ITGA9: variants seen among roughly 807,000 people sequenced by gnomAD.
The protein encoded by ITGA9 is integrin subunit alpha 9, also known as integrin alpha-9.
A neutral mutation model predicts 127.8 loss-of-function variants in ITGA9; 56 were observed. That is an observed-to-expected ratio of 0.44 (90% CI 0.35 to 0.55). The LOEUF (loss-of-function observed/expected upper bound fraction) is 0.55. Ranked by LOEUF, ITGA9 falls within the 20% of genes least tolerant of loss-of-function variation. ITGA9 has a pLI of 0.00. For synonymous variants in ITGA9, 508 were observed against 514.5 expected (o/e 0.99, Z 0.17); for missense variants, 1,196 against 1,347.1 (o/e 0.89, Z 1.76).
intron 3 of ITGA9, among the ~76,000 whole-genome samples, chr3:37,476,160 A>G (rs940330598): frequency 1.3e-5 from 2 of 152,208 alleles, no homozygotes; most frequent in African/African-American, 4.8e-5. Flanking sequence ...ATGTGTACCA[A>G]TATCTCTTTG....
chr3:37,817,841 G>T (rs949102126), intron 27 of ITGA9, among the ~76,000 whole-genome samples: 1 of 152,154 alleles, frequency 6.6e-6, no homozygotes, highest in African/African-American at 2.4e-5. Context: ...TCAAAGGGCA[G>T]GGTCTTTTCA....
Position 37,480,368 on chromosome 3 carries a change from G to T in ITGA9, c.421-1116G>T, listed in dbSNP as rs114454764. Reference sequence around the variant, plus strand: ...TGCTGAGAGGCTCCTCTGGAGAGCTGGCCAATGCATCTGTCCATCTTCTTC... The same window carrying T: ...TGCTGAGAGGCTCCTCTGGAGAGCTTGCCAATGCATCTGTCCATCTTCTTC... On this transcript the variant is annotated intron_variant, in intron 3 of 27. Transcript: ENST00000264741. Among the ~76,000 whole-genome samples, 1,171 of 152,264 alleles carry T rather than the reference G, an allele frequency of 7.7e-3. 14 individuals carry two copies. The highest frequency in any genetic ancestry group is 0.026 in the African/African-American group (1,086 of 41,542).
At chr3:37,687,277 TATAGTC>T (rs1202148406) in intron 18 of ITGA9, among the ~76,000 whole-genome samples, 16 of 152,302 alleles carry the variant, frequency 1.1e-4, no homozygotes, top group African/African-American at 3.6e-4. Context: ...TAAAATATGT[TATAGTC>T]AGGAAAGAGC....
At chr3:37,771,626 G>A (rs553974049) in intron 23 of ITGA9, among the ~76,000 whole-genome samples, 6 of 152,216 alleles carry the variant, frequency 3.9e-5, no homozygotes, top group South Asian at 2.1e-4. Context: ...CGCTGAACTC[G>A]GGGACCTCTG....
At chr3:37,508,457 C>T in intron 7 of ITGA9, 102 bp from the exon 8 acceptor site, 2 of 890,286 alleles carry the variant, frequency 2.2e-6, no homozygotes, top group South Asian at 2.9e-5. Flanking sequence ...CTGCTGTGCA[C>T]CTGGCTCTTA....
At chr3:37,795,905 T>C (rs1419248933) in intron 26 of ITGA9, among the ~76,000 whole-genome samples, 1 of 152,240 alleles carries the variant, frequency 6.6e-6, no homozygotes, top group Non-Finnish European at 1.5e-5. Context: ...TGACCTAGAT[T>C]CATTTTGCAG....
chr3:37,669,415 G>A (rs766918932), intron 17 of ITGA9, among the ~76,000 whole-genome samples: 1 of 152,194 alleles, frequency 6.6e-6, no homozygotes, highest in Non-Finnish European at 1.5e-5. Context: ...GTCCACTCCT[G>A]CCCTGTCCCT....
intron 15 of ITGA9, among the ~76,000 whole-genome samples, chr3:37,550,037 A>G (rs1006366128): frequency 6.6e-6 from 1 of 152,228 alleles, no homozygotes; most frequent in Non-Finnish European, 1.5e-5. Flanking sequence ...GTGAGTCACT[A>G]CATGTGAGAT....
intron 5 of ITGA9, among the ~76,000 whole-genome samples, chr3:37,494,941 A>G (rs974672346): frequency 1.3e-5 from 2 of 152,124 alleles, no homozygotes; most frequent in Non-Finnish European, 2.9e-5. Context: ...GCGTGTGAGC[A>G]TCCCCTCCTA....
intron 18 of ITGA9, among the ~76,000 whole-genome samples, chr3:37,696,327 C>G (rs892473077): frequency 6.6e-6 from 1 of 152,148 alleles, no homozygotes; most frequent in African/African-American, 2.4e-5. Flanking sequence ...GAAGGACTGC[C>G]CAGTGAGTCT....
chr3:37,674,115 G>T (rs1282900832), intron 17 of ITGA9, among the ~76,000 whole-genome samples: 2 of 152,166 alleles, frequency 1.3e-5, no homozygotes, highest in Non-Finnish European at 2.9e-5. Context: ...AAATGTTGTG[G>T]TTTTGAGAAT....
intron 4 of ITGA9, among the ~76,000 whole-genome samples, chr3:37,488,026 G>C (rs1698628261): frequency 6.6e-6 from 1 of 152,212 alleles, no homozygotes; most frequent in South Asian, 2.1e-4. Flanking sequence ...TGGAGTGGCT[G>C]CTTACTGGGA....
In ITGA9 at chr3:37,518,299, G is replaced by A. The variant is rs540117766; in HGVS notation, c.1141+690G>A. Among the ~76,000 whole-genome samples, 5 of 152,336 alleles carry A rather than the reference G, an allele frequency of 3.3e-5. 1 individual carries two copies. Among genetic ancestry groups the A allele is most frequent in the African/African-American group, 1.2e-4 (5 of 41,580 alleles). On this transcript the variant is annotated intron_variant, in intron 10 of 27. Coordinates refer to ENST00000264741, the MANE Select transcript of ITGA9 (RefSeq NM_002207.3). ...GTCACCAGGGCATGTGGTGGTGGAG[G>A]TGGGGCAACCCTTGCCCAGGCCAGC...
At position 37,562,183 on chromosome 3, in the gene ITGA9, G is replaced by A. The variant is rs370159333; in HGVS notation, c.1689+19598G>A. On this transcript the variant is annotated intron_variant, in intron 15 of 27. Coordinates refer to ENST00000264741, the MANE Select transcript of ITGA9 (RefSeq NM_002207.3). ...TGCTGTGTCCGGCAGCCCATCCAGC[G>A]TTGGATGGCATCAGCAACCTGAAAG... Among the ~76,000 whole-genome samples the A allele has an allele frequency of 3.9e-5, 6 of 152,260 alleles. No homozygotes were observed. In the East Asian group the frequency reaches 7.7e-4, roughly 20 times the overall value.
At position 37,643,066 on chromosome 3, in the gene ITGA9, C is replaced by G. The variant is rs75371548; in HGVS notation, c.1840-10648C>G. Among the ~76,000 whole-genome samples the G allele has an allele frequency of 8.0e-3, 1,214 of 152,290 alleles. 5 individuals are homozygous for G. Among genetic ancestry groups the G allele is most frequent in the Middle Eastern group, 0.014 (4 of 294 alleles). ...GAAGAGGAGAGGGAGAAGAGTCACT[C>G]CAGACGTCAGAACCAGACAGGCTCC... is the stretch of plus-strand genomic sequence containing the variant. On this transcript the variant is annotated intron_variant, in intron 16 of 27. Coordinates refer to ENST00000264741, the MANE Select transcript of ITGA9 (RefSeq NM_002207.3).
At chr3:37,533,615 C>A in intron 14 of ITGA9, 147 bp downstream of exon 14, 1 of 732,002 alleles carries the variant, frequency 1.4e-6, no homozygotes, top group Non-Finnish European at 2.3e-6. Context: ...CTCTGAGGTT[C>A]CTCCCCTTCT....
intron 16 of ITGA9, among the ~76,000 whole-genome samples, chr3:37,631,204 C>T (rs1050651266): frequency 6.6e-5 from 10 of 152,166 alleles, no homozygotes; most frequent in Non-Finnish European, 4.4e-5. Context: ...GTCCTCTGTG[C>T]TTATTTGTTT....
At chr3:37,556,129 G>T (rs577412913) in intron 15 of ITGA9, among the ~76,000 whole-genome samples, 58 of 152,308 alleles carry the variant, frequency 3.8e-4, no homozygotes, top group African/African-American at 1.3e-3. Flanking sequence ...GCTTAGCATG[G>T]CAGGGGCTGG....
chr3:37,572,670 T>C (rs758360869), intron 15 of ITGA9, among the ~76,000 whole-genome samples: 3 of 152,340 alleles, frequency 2.0e-5, no homozygotes, highest in Non-Finnish European at 4.4e-5. Flanking sequence ...TACTGTAATG[T>C]GTGATATTTA....
Sources: allele counts gnomAD v4.1 joint callset (sites outside exome capture counted in the v4.1 genomes callset), GRCh38; gene constraint gnomAD v4.1.1; transcripts MANE v1.5; gene names NCBI Gene and HGNC (gene_info 2026-07-23, HGNC 2026-07-21).